The following ACSL6 variants were observed in gnomAD, a reference collection of about 807,000 sequenced individuals.
ACSL6 encodes the protein long-chain-fatty-acid--CoA ligase 6.
A neutral mutation model predicts 98.2 loss-of-function variants in ACSL6; 47 were observed. That is an observed-to-expected ratio of 0.48 (90% CI 0.38 to 0.61). The LOEUF is 0.61. Among genes scored for constraint, ACSL6 ranks in the 20% least tolerant of loss-of-function variants. The pLI is 0.00. For synonymous variants in ACSL6, 362 were observed against 336.9 expected, an observed-to-expected ratio of 1.07 and a Z score of -0.82; for missense variants, 761 against 913.4, an observed-to-expected ratio of 0.83 and a Z score of 2.15.
chr5:131,972,841 G>C lies in ACSL6; in HGVS notation c.1221C>G (p.Asn407Lys). 1 of 1,614,204 alleles carries C rather than the reference G, an allele frequency of 6.2e-7. No individual in the cohort carries two copies. The highest frequency in any genetic ancestry group is 8.5e-7 in the Non-Finnish European group (1 of 1,180,034). ...RMYDKIFSQA[N>K]TPLKRWLLEF... ...CCAGGAGCCAGCGCTTTAATGGTGT[G>C]TTTGCCTGGCTGAAGATCTGAGGAA... The change falls in exon 13 of 21, where the codon AAC becomes AAG. Residue 407 changes from asparagine to lysine, a missense_variant. By Grantham distance (94) the Asn-to-Lys change is moderately conservative. Coordinates refer to ENST00000651883, the MANE Select transcript of ACSL6 (RefSeq NM_001009185.3).
In ACSL6 at chr5:131,953,485, A is replaced by T. The variant is rs374070362; in HGVS notation, c.*749T>A. The T allele has an allele frequency of 1.6e-5, 3 of 189,674 alleles. No individual in the cohort carries two copies. Among genetic ancestry groups the T allele is most frequent in the African/African-American group, 7.0e-5 (3 of 42,900 alleles). The allele number at this position is 189,674 out of a possible 1,614,324, so 11.7% of individuals were successfully genotyped here. A position where few individuals can be genotyped will look rare whatever the true frequency, so the allele number is the denominator to read the frequency against. ...GTGTGGTGGCATGTGCCTGTACTGT[A>T]GTCTCAGCTACTTGGGAGGTGAGAC... On this transcript the variant is annotated 3_prime_UTR_variant, in exon 21 of 21. Transcript: ENST00000651883.
chr5:131,975,407 C>T, intron 10 of ACSL6: 1 of 985,430 alleles, frequency 1.0e-6, no homozygotes, highest in Non-Finnish European at 1.2e-6. Context: ...CTGCCCCACA[C>T]CCCATTTCTC....
intron 18 of ACSL6, 124 bp downstream of exon 18, chr5:131,962,411 G>A (rs1287751775): frequency 2.6e-6 from 3 of 1,140,416 alleles, no homozygotes; most frequent in East Asian, 5.0e-5. Flanking sequence ...CCTTTAAAAA[G>A]GAGTTTTCTC....
At chr5:131,994,337 C>T in intron 1 of ACSL6, 86 bp from the exon 2 acceptor site, 1 of 1,173,048 alleles carries the variant, frequency 8.5e-7, no homozygotes, top group Non-Finnish European at 1.2e-6. Flanking sequence ...GATATCTGGT[C>T]TGAAACACTG....
chr5:131,996,898 C>T (rs1685240430), intron 1 of ACSL6, among the ~76,000 whole-genome samples: 1 of 152,158 alleles, frequency 6.6e-6, no homozygotes, highest in Non-Finnish European at 1.5e-5. Context: ...AGAGTCAGGG[C>T]AGGCTTCTGG....
rs2126893110 is a variant in ACSL6 at position 131,988,923 on chromosome 5, CG to C, written c.553-20del. The stretch of plus-strand genomic sequence containing the variant: ...TGATCCACTGTGGAGACACATGAGG[CG>C]GGGGTGGGGAAGAAGGGGAGATTAG... On this transcript the variant is annotated intron_variant, in intron 5 of 20. Transcript: ENST00000651883. 1 of 804,530 alleles carries C rather than the reference CG, an allele frequency of 1.2e-6. No individual in the cohort carries two copies. The highest frequency in any genetic ancestry group is 2.0e-6 in the Non-Finnish European group (1 of 490,516). The allele number at this position is 804,530 out of a possible 1,614,324, so 49.8% of individuals were successfully genotyped here.
At chr5:131,966,619 T>G in intron 16 of ACSL6, 87 bp from the exon 17 acceptor site, 2 of 1,161,558 alleles carry the variant, frequency 1.7e-6, no homozygotes, top group African/African-American at 1.5e-5. Flanking sequence ...GGAGATAAGG[T>G]GCACTACCCA....
rs753928630 is a variant in ACSL6 at position 131,970,183 on chromosome 5, G to A, written c.1452C>T (p.Gly484=). The A allele has an allele frequency of 5.0e-6, 8 of 1,613,882 alleles. No homozygotes were observed. The Admixed American group carries it at 8.3e-5, about 17-fold the overall frequency. Residue 484 remains glycine, a synonymous_variant, in exon 15 of 21, where the codon GGC becomes GGT. Coordinates refer to ENST00000651883, the MANE Select transcript of ACSL6 (RefSeq NM_001009185.3). The part of the protein sequence containing the change: ...ALGCQVYEGY[G]QTECTAGCTF... Reference sequence around the variant, plus strand: ...TACATCCAGCTGTGCACTCAGTTTGGCCATAACCTTCATAAACCTTCAAAC... The same window carrying A: ...TACATCCAGCTGTGCACTCAGTTTGACCATAACCTTCATAAACCTTCAAAC...
chr5:131,955,201 T>C (rs600661), intron 20 of ACSL6, among the ~76,000 whole-genome samples: 32,820 of 152,110 alleles, frequency 0.22, 3,825 homozygotes, highest in East Asian at 0.51. Flanking sequence ...CTTTATGGTA[T>C]CATTTATGGC....
chr5:131,976,013 C>G, intron 10 of ACSL6: 1 of 985,472 alleles, frequency 1.0e-6, no homozygotes, highest in Non-Finnish European at 1.2e-6. Context: ...ACTTTCTCCA[C>G]AGTGAAGAAA....
chr5:132,011,961 C>A, upstream of ACSL6: 7 of 1,535,122 alleles, frequency 4.6e-6, no homozygotes, highest in Non-Finnish European at 6.1e-6. The surrounding 1 kb of genome is among the most constrained non-coding windows in gnomAD (Gnocchi z 5.4). Flanking sequence ...GGGCGACGAG[C>A]GCCAGAGCGT....
At chr5:131,993,989 G>T in intron 2 of ACSL6, 42 bp downstream of exon 2, 1 of 1,594,300 alleles carries the variant, frequency 6.3e-7, no homozygotes. Context: ...CCTGTCCTCT[G>T]CCCCCTACTT....
intron 9 of ACSL6, among the ~76,000 whole-genome samples, chr5:131,980,637 C>A (rs1753841224): frequency 6.6e-6 from 1 of 152,164 alleles, no homozygotes; most frequent in Non-Finnish European, 1.5e-5. Context: ...TGGTCTCCAC[C>A]CCCTCAGCCT....
intron 9 of ACSL6, among the ~76,000 whole-genome samples, chr5:131,981,157 G>A (rs773675858): frequency 1.3e-5 from 2 of 151,720 alleles, no homozygotes; most frequent in Non-Finnish European, 2.9e-5. Flanking sequence ...AGCTTCGGGG[G>A]CTTTGGTGCT....
rs749183858 is a variant in ACSL6, at chr5:131,960,511, G to A, written c.1959+9C>T. 8.7e-6 allele frequency: 14 copies of A among 1,609,714 alleles called. No individual in the cohort carries two copies. The Admixed American group carries it at 2.2e-4, about 25-fold the overall frequency. ...GTAACCTTTCAGGAGACAGCCCCAA[G>A]ATACCAACCTTATTTGTGCAGAGAT... On this transcript the variant is annotated intron_variant, in intron 19 of 20. Coordinates refer to ENST00000651883, the MANE Select transcript of ACSL6 (RefSeq NM_001009185.3).
rs1231048065 is a variant in ACSL6 at position 131,966,482 on chromosome 5, G to A, written c.1647C>T (p.Asp549=). 5 of 1,614,158 alleles carry A rather than the reference G, an allele frequency of 3.1e-6. No homozygotes were observed. The South Asian group carries it at 3.3e-5, about 11-fold the overall frequency. The part of the protein sequence containing the change: ...NVFKGYLKDP[D]RTKEALDSDG... Reference sequence around the variant, plus strand: ...CGCTGTCCAGGGCCTCCTTCGTCCTGTCTGGATCTTTCAAGTAGCCTTTGA... The same window carrying A: ...CGCTGTCCAGGGCCTCCTTCGTCCTATCTGGATCTTTCAAGTAGCCTTTGA... The change falls in exon 17 of 21, where the codon GAC becomes GAT. Residue 549 remains aspartate, a synonymous_variant. Coordinates refer to ENST00000651883, the MANE Select transcript of ACSL6 (RefSeq NM_001009185.3).
Position 131,973,835 on chromosome 5 carries a change from G to A in ACSL6, c.1069-435C>T, listed in dbSNP as rs187638518. ...AGGTGAAGGTGTGTAAGCCCCATGA[G>A]TACTGGAGATGCTGCTGAAGTTGGC... On this transcript the variant is annotated intron_variant, in intron 11 of 20. Coordinates refer to ENST00000651883, the MANE Select transcript of ACSL6 (RefSeq NM_001009185.3). The A allele has an allele frequency of 4.9e-3, 774 of 158,814 alleles. 8 individuals are homozygous for A. The highest frequency in any genetic ancestry group is 0.028 in the South Asian group (144 of 5,174). The allele number at this position is 158,814 out of a possible 1,614,324, so 9.8% of individuals were successfully genotyped here.
In ACSL6 at chr5:131,960,621, C is replaced by T; in HGVS notation, c.1858G>A (p.Ala620Thr). ...GGCACAACAATGCCTACCAAAAAGG[C>T]CTGCAGTGCTCACCAAAGGAGAACA... ...QIYVHGDSLK[A>T]FLVGIVVPDP... Residue 620 changes from alanine to threonine, a missense_variant and splice_region_variant, in exon 19 of 21, where the codon GCC (alanine) becomes ACC (threonine). Physicochemically the swap from Ala to Thr is moderately conservative, Grantham distance 58. Coordinates refer to ENST00000651883, the MANE Select transcript of ACSL6 (RefSeq NM_001009185.3). The T allele has an allele frequency of 6.2e-7, 1 of 1,612,788 alleles. No homozygotes were observed. The highest frequency in any genetic ancestry group is 8.5e-7 in the Non-Finnish European group (1 of 1,179,452).
In ACSL6 at chr5:132,011,567, G is replaced by T. The variant is rs776687771; in HGVS notation, c.-14C>A. The T allele has an allele frequency of 1.3e-6, 2 of 1,510,340 alleles. No homozygotes were observed. Among genetic ancestry groups the T allele is most frequent in the Admixed American group, 2.2e-5 (1 of 45,868 alleles). 93.6% of individuals were successfully genotyped at this position (1,510,340 alleles called of 1,614,324 possible). On this transcript the variant is annotated 5_prime_UTR_variant, in exon 1 of 21. Coordinates refer to ENST00000651883, the MANE Select transcript of ACSL6 (RefSeq NM_001009185.3). This position sits in a 1 kb window ranked among gnomAD's most constrained non-coding sequence, Gnocchi z 5.4. Reference sequence around the variant, plus strand: ...GAAGGTCAGCATGGCGGTCAGCGGGGCCCGGCCCGGCCCGGCCCGGCCTCC... The same window carrying T: ...GAAGGTCAGCATGGCGGTCAGCGGGTCCCGGCCCGGCCCGGCCCGGCCTCC...
Sources: allele counts gnomAD v4.1 joint callset (sites outside exome capture counted in the v4.1 genomes callset), GRCh38; gene constraint gnomAD v4.1.1; non-coding constraint Gnocchi (gnomAD v3.1); transcripts MANE v1.5; gene names NCBI Gene and HGNC (gene_info 2026-07-23, HGNC 2026-07-21).